DCDC2: variants seen among roughly 807,000 people sequenced by gnomAD.
The protein encoded by DCDC2 is doublecortin domain-containing protein 2.
DCDC2 carries 40 observed loss-of-function variants against 50.2 expected under a neutral mutation model. The ratio of observed to expected loss-of-function variants is 0.80; its 90% CI spans 0.62 to 1.04. The LOEUF is 1.04. Among genes scored for constraint, DCDC2 ranks in the 50% least tolerant of loss-of-function variants. The probability of loss-of-function intolerance (pLI) is 0.00; values close to 1 mark genes in which losing one functional copy is unlikely to be tolerated. For missense variants in DCDC2, 570 were observed against 581.9 expected (o/e 0.98, Z 0.21); for synonymous variants, 234 against 210.6 (o/e 1.11, Z -0.96).
At chr6:24,176,410 T>C (rs549700496) in intron 9 of DCDC2, among the ~76,000 whole-genome samples, 80 of 152,094 alleles carry the variant, frequency 5.3e-4, no homozygotes, top group Admixed American at 2.2e-3. Context: ...CACAGGTCAA[T>C]GCCAAATTAC....
chr6:24,378,749 C>G, the DCDC2 span, among the ~76,000 whole-genome samples: 2 of 152,192 alleles, frequency 1.3e-5, no homozygotes, highest in East Asian at 3.9e-4. Flanking sequence ...ATAAATTCAG[C>G]CTAGCAGCTT....
chr6:24,371,685 G>A, the DCDC2 span, among the ~76,000 whole-genome samples: 24 of 152,226 alleles, frequency 1.6e-4, no homozygotes, highest in African/African-American at 5.1e-4. Context: ...GAGTGAACAG[G>A]CAACCTACAG....
chr6:24,318,538 A>T (rs1302482495), intron 2 of DCDC2, among the ~76,000 whole-genome samples: 1 of 152,068 alleles, frequency 6.6e-6, no homozygotes, highest in East Asian at 1.9e-4. Flanking sequence ...GTAATTTCTC[A>T]TCATTCATCC....
At chr6:24,199,779 G>A (rs976863184) in intron 8 of DCDC2, among the ~76,000 whole-genome samples, 1 of 152,128 alleles carries the variant, frequency 6.6e-6, no homozygotes, top group African/African-American at 2.4e-5. Flanking sequence ...AAGGTTAGAG[G>A]AATTGCTAAC....
chr6:24,272,675 C>T (rs1192529155), intron 7 of DCDC2, among the ~76,000 whole-genome samples: 2 of 152,142 alleles, frequency 1.3e-5, no homozygotes, highest in East Asian at 1.9e-4. Flanking sequence ...TATCAGCTTA[C>T]ACCAGTCAGA....
chr6:24,246,612 GAGT>G (rs1181444851), intron 7 of DCDC2, among the ~76,000 whole-genome samples: 3 of 147,788 alleles, frequency 2.0e-5, no homozygotes, highest in Non-Finnish European at 4.5e-5. Context: ...TCAGCCTCCG[GAGT>G]AGCTGGGATT....
At chr6:24,307,857 G>A (rs558535831) in intron 2 of DCDC2, among the ~76,000 whole-genome samples, 68 of 152,088 alleles carry the variant, frequency 4.5e-4, no homozygotes, top group Non-Finnish European at 2.6e-4. Flanking sequence ...TATTTTTGAG[G>A]GGATGTGCCA....
At chr6:24,208,015 AGCCACTCTACACCCTTAAATACC>A in intron 7 of DCDC2, among the ~76,000 whole-genome samples, 1 of 152,268 alleles carries the variant, frequency 6.6e-6, no homozygotes, top group South Asian at 2.1e-4. Flanking sequence ...CCATGTGATG[AGCCACTCTACACCCTTAAATACC>A]CTGACTCTTC....
chr6:24,218,819 G>A (rs961741762), intron 7 of DCDC2, among the ~76,000 whole-genome samples: 1 of 151,918 alleles, frequency 6.6e-6, no homozygotes, highest in Non-Finnish European at 1.5e-5. Context: ...TAAACCTTTG[G>A]GGAAAAAAAG....
At chr6:24,347,121 T>C (rs1488759169) in intron 2 of DCDC2, among the ~76,000 whole-genome samples, 1 of 152,192 alleles carries the variant, frequency 6.6e-6, no homozygotes. Context: ...AGGAATTAGG[T>C]GTTTATTACT....
chr6:24,288,763 CT>C (rs1456639190), intron 6 of DCDC2, 88 bp downstream of exon 6: 4 of 1,236,392 alleles, frequency 3.2e-6, no homozygotes, highest in Admixed American at 1.8e-5. Flanking sequence ...TAAGTTTTAT[CT>C]CTTGGAACTT....
intron 2 of DCDC2, among the ~76,000 whole-genome samples, chr6:24,320,537 G>C (rs994573505): frequency 6.6e-6 from 1 of 152,090 alleles, no homozygotes; most frequent in Non-Finnish European, 1.5e-5. Context: ...TCACCATGTT[G>C]GCCAGGCTGG....
At chr6:24,343,338 C>T (rs1760197345) in intron 2 of DCDC2, among the ~76,000 whole-genome samples, 1 of 152,130 alleles carries the variant, frequency 6.6e-6, no homozygotes, top group Non-Finnish European at 1.5e-5. Flanking sequence ...CGTCAGCCAC[C>T]GTGCCCCGCC....
upstream of DCDC2, among the ~76,000 whole-genome samples, chr6:24,360,409 C>T (rs1439675771): frequency 6.6e-6 from 1 of 152,206 alleles, no homozygotes; most frequent in East Asian, 1.9e-4. Flanking sequence ...TTTTGAGTGC[C>T]TACCCTGTGC....
intron 4 of DCDC2, among the ~76,000 whole-genome samples, chr6:24,295,358 A>G (rs1763839112): frequency 6.6e-6 from 1 of 152,204 alleles, no homozygotes; most frequent in Non-Finnish European, 1.5e-5. Context: ...CACAGCTAAC[A>G]TCACACGGAA....
At chr6:24,242,676 A>G (rs1335940003) in intron 7 of DCDC2, among the ~76,000 whole-genome samples, 5 of 152,202 alleles carry the variant, frequency 3.3e-5, no homozygotes, top group African/African-American at 1.2e-4. Context: ...ACAGGAAGAA[A>G]GATGGTTGGG....
At chr6:24,220,371 T>G (rs779784207) in intron 7 of DCDC2, among the ~76,000 whole-genome samples, 39 of 152,178 alleles carry the variant, frequency 2.6e-4, no homozygotes, top group Non-Finnish European at 5.3e-4. Flanking sequence ...TGACAGTAAG[T>G]AGCAAACAAA....
chr6:24,231,165 C>T (rs545537290), intron 7 of DCDC2, among the ~76,000 whole-genome samples: 1 of 152,212 alleles, frequency 6.6e-6, no homozygotes, highest in Non-Finnish European at 1.5e-5. Context: ...TCCCACATTC[C>T]CTTCTCAGCA....
intron 5 of DCDC2, 143 bp downstream of exon 5, chr6:24,290,789 A>C: frequency 1.7e-6 from 1 of 600,124 alleles, no homozygotes; most frequent in Non-Finnish European, 2.5e-6. Context: ...AAAAACAAAG[A>C]TCAATGTATA....
Sources: allele counts gnomAD v4.1 joint callset (sites outside exome capture counted in the v4.1 genomes callset), GRCh38; gene constraint gnomAD v4.1.1; transcripts MANE v1.5; gene names NCBI Gene and HGNC (gene_info 2026-07-23, HGNC 2026-07-21).